The following HEMK2 variants were observed in gnomAD, a reference collection of about 807,000 sequenced individuals.
HEMK2 encodes the protein methyltransferase HEMK2.
At chr21:28,589,451 A>AGACT in the HEMK2 span, among the ~76,000 whole-genome samples, 1 of 152,184 alleles carries the variant, frequency 6.6e-6, no homozygotes. Context: ...AAATGAGTGG[A>AGACT]GACTGTAAGA....
chr21:28,596,148 C>A, the HEMK2 span, among the ~76,000 whole-genome samples: 15 of 152,134 alleles, frequency 9.9e-5, no homozygotes, highest in East Asian at 2.3e-3. Context: ...TCCCGAGTAG[C>A]TGGGACTACA....
chr21:28,784,178 C>T, the HEMK2 span, among the ~76,000 whole-genome samples: 468 of 152,304 alleles, frequency 3.1e-3, 13 homozygotes, highest in East Asian at 0.066. Context: ...GCTCTGCCTG[C>T]GGCCCCGGTG....
At chr21:28,674,466 A>T in the HEMK2 span, among the ~76,000 whole-genome samples, 1 of 152,160 alleles carries the variant, frequency 6.6e-6, no homozygotes, top group African/African-American at 2.4e-5. Flanking sequence ...AGCCCCAGTC[A>T]AAGACTCTCA....
At chr21:28,702,309 C>CA in the HEMK2 span, among the ~76,000 whole-genome samples, 47 of 148,114 alleles carry the variant, frequency 3.2e-4, 1 homozygote, top group Non-Finnish European at 3.6e-4. Flanking sequence ...GCTATTGCAA[C>CA]AAAAAAAAAA....
chr21:28,699,194 C>A, the HEMK2 span, among the ~76,000 whole-genome samples: 1 of 152,258 alleles, frequency 6.6e-6, no homozygotes, highest in South Asian at 2.1e-4. Context: ...TAATGAAATG[C>A]TACATGACTG....
the HEMK2 span, among the ~76,000 whole-genome samples, chr21:28,785,286 A>G: frequency 2.6e-5 from 4 of 152,226 alleles, no homozygotes; most frequent in Non-Finnish European, 5.9e-5. Flanking sequence ...TCATTACTCA[A>G]AAAGTTTCAG....
chr21:28,674,101 C>G, the HEMK2 span, among the ~76,000 whole-genome samples: 1 of 152,154 alleles, frequency 6.6e-6, no homozygotes, highest in African/African-American at 2.4e-5. Context: ...CCGGCCAAAA[C>G]CCACTAAAAG....
chr21:28,735,141 T>C, the HEMK2 span, among the ~76,000 whole-genome samples: 1 of 152,200 alleles, frequency 6.6e-6, no homozygotes, highest in Non-Finnish European at 1.5e-5. Flanking sequence ...TGAGGTCTTT[T>C]GGGGCTATGT....
At chr21:28,713,333 C>T in the HEMK2 span, among the ~76,000 whole-genome samples, 1 of 152,182 alleles carries the variant, frequency 6.6e-6, no homozygotes, top group African/African-American at 2.4e-5. Flanking sequence ...ACTCTATTAA[C>T]AGCACAGAAG....
At chr21:28,625,437 G>C in the HEMK2 span, among the ~76,000 whole-genome samples, 17 of 152,208 alleles carry the variant, frequency 1.1e-4, no homozygotes, top group African/African-American at 4.1e-4. Flanking sequence ...AAAGTTCAAA[G>C]AGATTATTTT....
At chr21:28,597,675 C>T in the HEMK2 span, among the ~76,000 whole-genome samples, 1 of 152,060 alleles carries the variant, frequency 6.6e-6, no homozygotes, top group Non-Finnish European at 1.5e-5. Flanking sequence ...AGTCATGCAC[C>T]AAGGACACTT....
chr21:28,595,055 G>C, the HEMK2 span, among the ~76,000 whole-genome samples: 5 of 152,274 alleles, frequency 3.3e-5, no homozygotes, highest in Admixed American at 1.3e-4. Flanking sequence ...TGTGGGTACA[G>C]TAGGTGTATA....
the HEMK2 span, among the ~76,000 whole-genome samples, chr21:28,824,501 CTTCAA>C: frequency 1.5e-4 from 23 of 152,164 alleles, no homozygotes; most frequent in Non-Finnish European, 2.9e-4. Flanking sequence ...TTTCATTTGT[CTTCAA>C]TTCATCTACT....
chr21:28,841,203 TATA>T, the HEMK2 span, among the ~76,000 whole-genome samples: 56 of 19,850 alleles, frequency 2.8e-3, 3 homozygotes, highest in African/African-American at 0.012. Flanking sequence ...ATATATATTA[TATA>T]ATATATTATA....
At chr21:28,676,972 G>A in the HEMK2 span, among the ~76,000 whole-genome samples, 5 of 152,168 alleles carry the variant, frequency 3.3e-5, no homozygotes, top group African/African-American at 7.2e-5. Context: ...CAGCGTGAGC[G>A]ACGCAAAAGA....
the HEMK2 span, chr21:28,882,257 A>G: frequency 6.2e-7 from 1 of 1,606,326 alleles, no homozygotes; most frequent in South Asian, 1.1e-5. Flanking sequence ...GCACCTATAA[A>G]CAGAAATGGA....
the HEMK2 span, among the ~76,000 whole-genome samples, chr21:28,758,139 A>G: frequency 1.3e-5 from 2 of 152,234 alleles, no homozygotes; most frequent in Non-Finnish European, 2.9e-5. Context: ...GGAAGATTAA[A>G]TACAGCTAGA....
the HEMK2 span, among the ~76,000 whole-genome samples, chr21:28,706,273 C>A: frequency 6.6e-6 from 1 of 152,202 alleles, no homozygotes; most frequent in East Asian, 1.9e-4. Flanking sequence ...CAGAAGTAGA[C>A]AGTTGCAACT....
At chr21:28,830,462 C>G in the HEMK2 span, among the ~76,000 whole-genome samples, 5 of 152,270 alleles carry the variant, frequency 3.3e-5, no homozygotes, top group East Asian at 9.6e-4. Context: ...CCTGTACAGC[C>G]TATGGAACTG....
Sources: allele counts gnomAD v4.1 joint callset (sites outside exome capture counted in the v4.1 genomes callset), GRCh38; gene constraint gnomAD v4.1.1; transcripts MANE v1.5; gene names NCBI Gene and HGNC (gene_info 2026-07-23, HGNC 2026-07-21).